The following FGF14 variants were observed in gnomAD, a reference collection of about 807,000 sequenced individuals.
FGF14 encodes the protein fibroblast growth factor 14, also known as fibroblast growth factor homologous factor 4.
FGF14 carries 5 observed loss-of-function variants against 25.5 expected under a neutral mutation model. That is an observed-to-expected ratio of 0.20 (90% CI 0.10 to 0.41). The LOEUF (loss-of-function observed/expected upper bound fraction) is 0.41, where lower values mean the gene tolerates loss of function less well. Among genes scored for constraint, FGF14 ranks in the 10% least tolerant of loss-of-function variants. The probability of loss-of-function intolerance (pLI) is 1.00; values close to 1 mark genes in which losing one functional copy is unlikely to be tolerated. For synonymous variants in FGF14, 138 were observed against 118.3 expected (o/e 1.17, Z -1.08); for missense variants, 222 against 320.1 (o/e 0.69, Z 2.34).
chr13:102,196,593 T>C (rs1405444793), intron 1 of FGF14, among the ~76,000 whole-genome samples: 3 of 152,216 alleles, frequency 2.0e-5, no homozygotes, highest in Admixed American at 2.0e-4. Flanking sequence ...ATTTATAGCA[T>C]ACAAGGTGAT....
chr13:102,082,945 G>T (rs2043706801), intron 1 of FGF14, among the ~76,000 whole-genome samples: 3 of 150,386 alleles, frequency 2.0e-5, no homozygotes, highest in South Asian at 4.2e-4. Context: ...GAGACAGAGT[G>T]AGACTCCGTC....
At chr13:102,052,613 A>G (rs56002517) in intron 1 of FGF14, among the ~76,000 whole-genome samples, 11,174 of 152,062 alleles carry the variant, frequency 0.073, 555 homozygotes, top group African/African-American at 0.14. Context: ...TAGGCCAGGA[A>G]AAAGTGAAAT....
intron 3 of FGF14, among the ~76,000 whole-genome samples, chr13:101,788,979 GATAA>G (rs1480555145): frequency 8.9e-5 from 11 of 124,086 alleles, no homozygotes; most frequent in Non-Finnish European, 1.5e-4. Context: ...GACAGAGATA[GATAA>G]ATAGTCTATA....
chr13:102,333,261 T>C (rs1461880155), intron 1 of FGF14, among the ~76,000 whole-genome samples: 1 of 152,194 alleles, frequency 6.6e-6, no homozygotes, highest in African/African-American at 2.4e-5. Context: ...GAAGTGTTCA[T>C]TGTTTGAAAA....
At chr13:101,904,352 T>A (rs549827835) in intron 1 of FGF14, among the ~76,000 whole-genome samples, 2 of 151,944 alleles carry the variant, frequency 1.3e-5, no homozygotes, top group Non-Finnish European at 2.9e-5. Context: ...GGGTATTTTC[T>A]TATATTCAGG....
At chr13:101,879,896 TATC>T (rs1184234341) in intron 1 of FGF14, among the ~76,000 whole-genome samples, 1 of 152,174 alleles carries the variant, frequency 6.6e-6, no homozygotes, top group Non-Finnish European at 1.5e-5. Flanking sequence ...AGATATATAT[TATC>T]ATATAATCCA....
intron 3 of FGF14, among the ~76,000 whole-genome samples, chr13:101,765,268 A>G (rs1376972063): frequency 2.0e-5 from 3 of 152,210 alleles, no homozygotes; most frequent in African/African-American, 7.2e-5. Context: ...TGAATTGACT[A>G]CTAAAAAACT....
chr13:102,210,870 A>G (rs929944344), intron 1 of FGF14, among the ~76,000 whole-genome samples: 3 of 152,188 alleles, frequency 2.0e-5, no homozygotes, highest in African/African-American at 7.2e-5. Flanking sequence ...AGTGCATGGT[A>G]TGGAGTCAAA....
intron 1 of FGF14, among the ~76,000 whole-genome samples, chr13:102,145,875 T>G (rs1008087830): frequency 2.0e-4 from 31 of 152,184 alleles, no homozygotes; most frequent in African/African-American, 7.0e-4. Flanking sequence ...TGAAATCCAT[T>G]TACTATGAAA....
intron 3 of FGF14, among the ~76,000 whole-genome samples, chr13:101,861,574 T>C (rs962491781): frequency 9.2e-5 from 14 of 151,922 alleles, no homozygotes; most frequent in Non-Finnish European, 2.1e-4. Context: ...ATAAACAAAG[T>C]CAACATATGT....
At chr13:102,236,618 T>C (rs2051337951) in intron 1 of FGF14, among the ~76,000 whole-genome samples, 1 of 152,162 alleles carries the variant, frequency 6.6e-6, no homozygotes, top group Non-Finnish European at 1.5e-5. Flanking sequence ...GGCTAGTGCC[T>C]GGTTTCCCTC....
At chr13:101,938,280 A>G (rs2035231885) in intron 1 of FGF14, among the ~76,000 whole-genome samples, 1 of 151,370 alleles carries the variant, frequency 6.6e-6, no homozygotes, top group Non-Finnish European at 1.5e-5. Context: ...ATACACAACA[A>G]CAACAAAAAA....
At chr13:101,856,956 G>A (rs893134437) in intron 3 of FGF14, among the ~76,000 whole-genome samples, 2 of 151,906 alleles carry the variant, frequency 1.3e-5, no homozygotes, top group African/African-American at 4.8e-5. Flanking sequence ...TATTATAAAA[G>A]GTCCATAGTG....
At chr13:102,343,859 G>C (rs529618742) in intron 1 of FGF14, among the ~76,000 whole-genome samples, 4 of 152,254 alleles carry the variant, frequency 2.6e-5, no homozygotes, top group Non-Finnish European at 5.9e-5. Context: ...CGGCTGTTAT[G>C]ATCATTCTAA....
At chr13:102,006,805 C>T (rs1382990169) in intron 1 of FGF14, among the ~76,000 whole-genome samples, 4 of 122,226 alleles carry the variant, frequency 3.3e-5, no homozygotes, top group South Asian at 5.5e-4. Context: ...ACTGCAGTGG[C>T]GCAATCTCGG....
chr13:101,948,770 T>A (rs2035976555), intron 1 of FGF14, among the ~76,000 whole-genome samples: 1 of 152,178 alleles, frequency 6.6e-6, no homozygotes, highest in Admixed American at 6.5e-5. Context: ...ATGTTAACAT[T>A]TGCCAAAGTT....
At chr13:102,307,223 A>C (rs2055436891) in intron 1 of FGF14, among the ~76,000 whole-genome samples, 1 of 152,144 alleles carries the variant, frequency 6.6e-6, no homozygotes. Context: ...ATGGAACCTA[A>C]CTTTTCCAAC....
intron 1 of FGF14, among the ~76,000 whole-genome samples, chr13:102,255,213 T>G (rs2052378367): frequency 6.6e-6 from 1 of 152,180 alleles, no homozygotes; most frequent in South Asian, 2.1e-4. Flanking sequence ...TTATTCTGAT[T>G]AAATTTGAGC....
chr13:101,774,839 G>A (rs2038995640), intron 3 of FGF14, among the ~76,000 whole-genome samples: 1 of 151,936 alleles, frequency 6.6e-6, no homozygotes, highest in African/African-American at 2.4e-5. Flanking sequence ...GATCACATGA[G>A]GTCAGGAGTT....
Sources: allele counts gnomAD v4.1 joint callset (sites outside exome capture counted in the v4.1 genomes callset), GRCh38; gene constraint gnomAD v4.1.1; transcripts MANE v1.5; gene names NCBI Gene and HGNC (gene_info 2026-07-23, HGNC 2026-07-21).